The following PCDH9 variants were observed in gnomAD, a reference collection of about 807,000 sequenced individuals.
PCDH9 encodes protocadherin-9.
Under a neutral mutation model 70.6 loss-of-function variants are expected in PCDH9, and 24 were observed. That is an observed-to-expected ratio of 0.34 (90% CI 0.25 to 0.48). PCDH9 has a LOEUF of 0.48. Among genes scored for constraint, PCDH9 ranks in the 20% least tolerant of loss-of-function variants. The pLI, the probability that PCDH9 is intolerant of heterozygous loss-of-function variation, is 0.99. For synonymous variants in PCDH9, 562 were observed against 558.5 expected (o/e 1.01, Z -0.09); for missense variants, 1,281 against 1,503.6 (o/e 0.85, Z 2.45).
At chr13:66,736,641 C>G (rs2079153134) in intron 3 of PCDH9, among the ~76,000 whole-genome samples, 1 of 152,210 alleles carries the variant, frequency 6.6e-6, no homozygotes, top group Non-Finnish European at 1.5e-5. Context: ...TAATTGACAG[C>G]ACAATTGCTT....
chr13:66,790,500 A>G (rs912368040), intron 3 of PCDH9, among the ~76,000 whole-genome samples: 25 of 152,172 alleles, frequency 1.6e-4, no homozygotes, highest in African/African-American at 5.1e-4. Context: ...TTTCCTGTCT[A>G]TGAAGATATA....
chr13:66,450,827 A>G (rs1011500938), intron 4 of PCDH9, among the ~76,000 whole-genome samples: 1 of 152,162 alleles, frequency 6.6e-6, no homozygotes, highest in African/African-American at 2.4e-5. Context: ...CATCCTGGCT[A>G]ACATGGTGAA....
chr13:66,778,279 T>TAAC (rs1418465580), intron 3 of PCDH9, among the ~76,000 whole-genome samples: 2 of 151,620 alleles, frequency 1.3e-5, no homozygotes, highest in African/African-American at 4.8e-5. Flanking sequence ...ACTTAAAGTA[T>TAAC]AATAATAATA....
At chr13:66,418,728 T>C (rs1194758527) in intron 4 of PCDH9, among the ~76,000 whole-genome samples, 1 of 151,550 alleles carries the variant, frequency 6.6e-6, no homozygotes, top group Non-Finnish European at 1.5e-5. Flanking sequence ...GGACAAGAAA[T>C]AACTAAGATT....
chr13:66,893,996 T>A (rs1218448324), intron 3 of PCDH9, among the ~76,000 whole-genome samples: 2 of 152,124 alleles, frequency 1.3e-5, no homozygotes, highest in Non-Finnish European at 1.5e-5. Context: ...AATCCATTAG[T>A]TATTTCATAA....
chr13:66,685,881 G>A (rs1406011116), intron 3 of PCDH9, among the ~76,000 whole-genome samples: 1 of 152,158 alleles, frequency 6.6e-6, no homozygotes, highest in Non-Finnish European at 1.5e-5. Context: ...CATGTGGAAG[G>A]GGTATACCAA....
intron 2 of PCDH9, among the ~76,000 whole-genome samples, chr13:67,035,565 TTAAATTTAAA>T (rs1173425130): frequency 6.7e-6 from 1 of 149,046 alleles, no homozygotes; most frequent in Admixed American, 6.7e-5. Flanking sequence ...TATAATTATA[TTAAATTTAAA>T]TGATATAGTA....
chr13:66,787,423 C>G (rs1022148124), intron 3 of PCDH9, among the ~76,000 whole-genome samples: 1 of 151,924 alleles, frequency 6.6e-6, no homozygotes, highest in Non-Finnish European at 1.5e-5. Context: ...TGAGACCAGC[C>G]TGGCCAAGAT....
chr13:66,835,860 G>T (rs2081009306), intron 3 of PCDH9, among the ~76,000 whole-genome samples: 1 of 152,008 alleles, frequency 6.6e-6, no homozygotes, highest in African/African-American at 2.4e-5. Flanking sequence ...GGCAAAAAAT[G>T]TTATTTACCT....
intron 2 of PCDH9, among the ~76,000 whole-genome samples, chr13:66,933,579 C>T (rs2082852491): frequency 6.6e-6 from 1 of 152,120 alleles, no homozygotes; most frequent in African/African-American, 2.4e-5. Context: ...CTAGTTGGTT[C>T]ATAGCTTAGA....
intron 3 of PCDH9, among the ~76,000 whole-genome samples, chr13:66,791,056 T>C (rs892446197): frequency 1.3e-5 from 2 of 152,110 alleles, no homozygotes; most frequent in South Asian, 4.1e-4. Context: ...GCAGAAGCTA[T>C]TGTGTGAGGT....
chr13:66,953,025 G>A (rs2083208820), intron 2 of PCDH9, among the ~76,000 whole-genome samples: 1 of 151,648 alleles, frequency 6.6e-6, no homozygotes, highest in Non-Finnish European at 1.5e-5. Flanking sequence ...AAAATGGACT[G>A]TAGTATTATT....
intron 4 of PCDH9, among the ~76,000 whole-genome samples, chr13:66,313,246 T>C (rs1955594365): frequency 6.6e-6 from 1 of 152,224 alleles, no homozygotes; most frequent in Admixed American, 6.5e-5. Context: ...GAACATTGTA[T>C]TTACCTTATT....
chr13:67,157,243 T>A (rs1377338522), intron 2 of PCDH9, among the ~76,000 whole-genome samples: 1 of 152,182 alleles, frequency 6.6e-6, no homozygotes, highest in African/African-American at 2.4e-5. Flanking sequence ...GCCTCAACGG[T>A]TTGCATATAT....
intron 4 of PCDH9, among the ~76,000 whole-genome samples, chr13:66,539,445 T>C (rs747321262): frequency 6.6e-6 from 1 of 152,112 alleles, no homozygotes; most frequent in East Asian, 1.9e-4. Context: ...CTGATGGTTT[T>C]ATAGGGCCTT....
Position 66,920,943 on chromosome 13 carries a change from T to A in PCDH9, c.3037-17338A>T, listed in dbSNP as rs531278348. The stretch of plus-strand genomic sequence containing the variant: ...ATAGTAAAACCAGATTACAGATTTA[T>A]CCTCAAAATCTGCAACACTACCATT... On this transcript the variant is annotated intron_variant, in intron 2 of 4. Coordinates refer to ENST00000377865, the MANE Select transcript of PCDH9 (RefSeq NM_203487.3). Among the ~76,000 whole-genome samples, 3 of 151,280 alleles carry A rather than the reference T, an allele frequency of 2.0e-5. No homozygotes were observed. In the Admixed American group the frequency reaches 2.0e-4, roughly 10 times the overall value.
At chr13:66,317,337 C>A (rs935709238) in intron 4 of PCDH9, among the ~76,000 whole-genome samples, 1 of 152,102 alleles carries the variant, frequency 6.6e-6, no homozygotes, top group East Asian at 1.9e-4. Context: ...CACCTCTAAC[C>A]TGTACATGAG....
At chr13:66,541,166 C>T (rs1236955792) in intron 4 of PCDH9, among the ~76,000 whole-genome samples, 1 of 152,136 alleles carries the variant, frequency 6.6e-6, no homozygotes. Flanking sequence ...CTATAAAAGA[C>T]TCTGAAGGGA....
At chr13:66,883,646 G>C (rs114436140) in intron 3 of PCDH9, among the ~76,000 whole-genome samples, 1,573 of 152,196 alleles carry the variant, frequency 0.01, 34 homozygotes, top group African/African-American at 0.036. Context: ...TATTAAAGGA[G>C]TTAAAAAAAG....
Sources: gnomAD v4.1 joint callset for allele counts (sites outside exome capture counted in the v4.1 genomes callset) on GRCh38, gnomAD v4.1.1 for gene constraint, MANE v1.5 for transcripts, NCBI Gene and HGNC (gene_info 2026-07-23, HGNC 2026-07-21) for gene names.